The following RGSL1 variants were observed in gnomAD, a reference collection of about 807,000 sequenced individuals.
RGSL1 encodes regulator of G protein signaling like 1.
In RGSL1, 97 loss-of-function variants were observed where a neutral mutation model predicts 124.7. That is an observed-to-expected ratio of 0.78 (90% CI 0.66 to 0.92). The LOEUF is 0.92. RGSL1 is among the 40% of genes least tolerant of loss of function. RGSL1 has a pLI of 0.00. For synonymous variants in RGSL1, 424 were observed against 438.1 expected, an observed-to-expected ratio of 0.97 and a Z score of 0.40; for missense variants, 1,233 against 1,288.4, an observed-to-expected ratio of 0.96 and a Z score of 0.66.
At chr1:182,532,127 T>G (rs1189741640) in intron 13 of RGSL1, among the ~76,000 whole-genome samples, 1 of 152,130 alleles carries the variant, frequency 6.6e-6, no homozygotes. Flanking sequence ...AAATAAAATG[T>G]ACAGTGGTTC....
At chr1:182,480,821 A>T (rs1014501813) in intron 6 of RGSL1, among the ~76,000 whole-genome samples, 26 of 152,302 alleles carry the variant, frequency 1.7e-4, no homozygotes, top group Middle Eastern at 3.4e-3. Flanking sequence ...AAATGGGAAA[A>T]TTTATAAATA....
chr1:182,500,698 C>T (rs1397057947), intron 9 of RGSL1, among the ~76,000 whole-genome samples: 1 of 152,080 alleles, frequency 6.6e-6, no homozygotes, highest in Non-Finnish European at 1.5e-5. Flanking sequence ...TTTTAGTTTA[C>T]AAGTTTTACA....
intron 4 of RGSL1, among the ~76,000 whole-genome samples, chr1:182,465,674 TCTC>T (rs1238325869): frequency 1.4e-4 from 21 of 152,064 alleles, no homozygotes; most frequent in Admixed American, 1.3e-3. Flanking sequence ...TAATCTACAA[TCTC>T]CTGACAAAGA....
intron 6 of RGSL1, among the ~76,000 whole-genome samples, chr1:182,483,845 G>A (rs1303734453): frequency 6.6e-6 from 1 of 152,096 alleles, no homozygotes; most frequent in Non-Finnish European, 1.5e-5. Context: ...TCAAGCCCCG[G>A]GGTTCGGTTG....
intron 9 of RGSL1, among the ~76,000 whole-genome samples, chr1:182,520,778 T>A (rs904719470): frequency 6.6e-6 from 1 of 152,198 alleles, no homozygotes; most frequent in Non-Finnish European, 1.5e-5. Context: ...TTTATTTAGA[T>A]CCAACATATA....
intron 13 of RGSL1, among the ~76,000 whole-genome samples, chr1:182,531,781 A>G (rs1659190668): frequency 6.6e-6 from 1 of 152,172 alleles, no homozygotes; most frequent in African/African-American, 2.4e-5. Flanking sequence ...AACAAGATAA[A>G]AGGAAATCAA....
At chr1:182,530,953 A>G in intron 13 of RGSL1, 43 bp downstream of exon 13, 2 of 1,528,698 alleles carry the variant, frequency 1.3e-6, no homozygotes, top group Non-Finnish European at 1.8e-6. Context: ...GAGACAAGAA[A>G]ACCATCGTCT....
Position 182,540,415 on chromosome 1 carries a change from T to C in RGSL1, c.2663T>C (p.Met888Thr). 1.9e-6 allele frequency: 3 copies of C among 1,550,100 alleles called. No homozygotes were observed. The highest frequency in any genetic ancestry group is 2.6e-6 in the Non-Finnish European group (3 of 1,146,170). The part of the protein sequence containing the change: ...AINDLYFFSE[M>T]EKFNDLVSSA... ...AATGATCTATATTTCTTTTCTGAAATGGAGAAGTAAGTTTTCCACTTCTCC... is the reference window on the plus strand; with the variant it reads ...AATGATCTATATTTCTTTTCTGAAACGGAGAAGTAAGTTTTCCACTTCTCC... Residue 888 changes from methionine (M) to threonine (T), a missense_variant, in exon 15 of 22, where the codon ATG becomes ACG. Met to Thr is a moderately conservative substitution (Grantham distance 81). Transcript: ENST00000294854.
chr1:182,494,802 C>A (rs1352908898), intron 9 of RGSL1, among the ~76,000 whole-genome samples: 1 of 152,218 alleles, frequency 6.6e-6, no homozygotes, highest in Non-Finnish European at 1.5e-5. Context: ...GCTTTCACAG[C>A]TGTGCCTTCA....
intron 11 of RGSL1, among the ~76,000 whole-genome samples, chr1:182,529,483 G>T (rs1350326742): frequency 6.6e-6 from 1 of 152,150 alleles, no homozygotes; most frequent in Non-Finnish European, 1.5e-5. Context: ...GTCTTATTTT[G>T]TTTCCTAAGG....
upstream of RGSL1, chr1:182,450,068 G>A: frequency 7.1e-7 from 1 of 1,408,326 alleles, no homozygotes; most frequent in Non-Finnish European, 9.8e-7. Flanking sequence ...GAACCCCTTA[G>A]AGAAGGTGTC....
intron 2 of RGSL1, among the ~76,000 whole-genome samples, chr1:182,454,427 T>G (rs1178543528): frequency 6.6e-6 from 1 of 152,194 alleles, no homozygotes; most frequent in Non-Finnish European, 1.5e-5. Context: ...CAGGAATACC[T>G]TTCCCATAGT....
At chr1:182,451,138 T>G (rs1200485166) in intron 1 of RGSL1, among the ~76,000 whole-genome samples, 1 of 122,550 alleles carries the variant, frequency 8.2e-6, no homozygotes, top group Admixed American at 7.6e-5. Context: ...GGAGTGAGAC[T>G]TTGGCAAAAA....
chr1:182,503,974 CTTTTT>C (rs71124902), intron 9 of RGSL1, among the ~76,000 whole-genome samples: 2 of 118,236 alleles, frequency 1.7e-5, no homozygotes, highest in Non-Finnish European at 3.4e-5. Flanking sequence ...TTTGTAATTT[CTTTTT>C]TTTTTTTTTT....
chr1:182,553,479 C>A lies in RGSL1; in HGVS notation c.3068C>A (p.Thr1023Asn), dbSNP rs551028604. Residue 1023 changes from threonine (T) to asparagine (N), a missense_variant, in exon 19 of 22, where the codon ACC becomes AAC. Coordinates refer to ENST00000294854, the MANE Select transcript of RGSL1 (RefSeq NM_001137669.2). The stretch of plus-strand genomic sequence containing the variant: ...GGAGACAATGCCATCTTAAGGTTCA[C>A]CTTGCTCAGAGGTATTGAGTGGTTG... ...SGGDNAILRF[T>N]LLRGIEWLQP... is the part of the protein sequence containing the mutation. The A allele has an allele frequency of 1.3e-6, 2 of 1,551,998 alleles. No homozygotes were observed. Among genetic ancestry groups the A allele is most frequent in the Non-Finnish European group, 8.7e-7 (1 of 1,147,050 alleles).
chr1:182,520,668 G>C (rs1658267554), intron 9 of RGSL1, among the ~76,000 whole-genome samples: 1 of 151,944 alleles, frequency 6.6e-6, no homozygotes, highest in Admixed American at 6.6e-5. Flanking sequence ...TAGGTGTTTT[G>C]TATTGGGAGG....
intron 15 of RGSL1, among the ~76,000 whole-genome samples, chr1:182,547,415 C>T (rs1436300787): frequency 6.6e-6 from 1 of 152,132 alleles, no homozygotes; most frequent in East Asian, 1.9e-4. Context: ...GAGGGAGATA[C>T]TAGTCAGAGT....
intron 9 of RGSL1, among the ~76,000 whole-genome samples, chr1:182,500,572 T>C (rs1434085018): frequency 6.6e-6 from 1 of 152,196 alleles, no homozygotes; most frequent in Non-Finnish European, 1.5e-5. Flanking sequence ...ATTGAGATTG[T>C]ACTGAATCTA....
At chr1:182,518,220 G>A (rs1658045493) in intron 9 of RGSL1, among the ~76,000 whole-genome samples, 1 of 152,052 alleles carries the variant, frequency 6.6e-6, no homozygotes, top group African/African-American at 2.4e-5. Flanking sequence ...TTTTAATAGA[G>A]ATGATGTCTC....
Sources: allele counts gnomAD v4.1 joint callset (sites outside exome capture counted in the v4.1 genomes callset), GRCh38; gene constraint gnomAD v4.1.1; transcripts MANE v1.5; gene names NCBI Gene and HGNC (gene_info 2026-07-23, HGNC 2026-07-21).